Variants in CP observed in about 807,000 individuals in gnomAD.
CP encodes ceruloplasmin, also known as caeruloplasmin.
In CP, 64 loss-of-function variants were observed where a neutral mutation model predicts 122.4. The observed-to-expected ratio is 0.52, with a 90% CI of 0.43 to 0.64. The LOEUF is 0.64. Ranked by LOEUF, CP falls within the 30% of genes least tolerant of loss-of-function variation. CP has a pLI of 0.00. For missense variants in CP, 1,167 were observed against 1,284.4 expected, an observed-to-expected ratio of 0.91 and a Z score of 1.40; for synonymous variants, 440 against 436.4, an observed-to-expected ratio of 1.01 and a Z score of -0.10.
At chr3:149,163,214 A>G (rs1379946414) in intron 5 of CP, among the ~76,000 whole-genome samples, 1 of 152,232 alleles carries the variant, frequency 6.6e-6, no homozygotes, top group Non-Finnish European at 1.5e-5. Flanking sequence ...GGAACATAAG[A>G]GAGAAGACAT....
At chr3:149,164,915 C>G (rs1243516799) in intron 5 of CP, among the ~76,000 whole-genome samples, 1 of 152,132 alleles carries the variant, frequency 6.6e-6, no homozygotes, top group Non-Finnish European at 1.5e-5. Context: ...CTCATTTACA[C>G]TATGGGAACT....
At chr3:149,181,898 C>T in intron 14 of CP, 107 bp downstream of exon 14, 4 of 1,280,434 alleles carry the variant, frequency 3.1e-6, no homozygotes, top group South Asian at 2.4e-5. Context: ...TCACAACTAC[C>T]TCCCTTTTCA....
intron 1 of CP, among the ~76,000 whole-genome samples, chr3:149,218,955 C>T (rs897607129): frequency 9.9e-5 from 15 of 152,114 alleles, no homozygotes; most frequent in South Asian, 2.1e-4. Context: ...AGTCATCATA[C>T]GATAAGAAGT....
At chr3:149,163,331 G>C (rs1332787834) in intron 5 of CP, among the ~76,000 whole-genome samples, 1 of 152,124 alleles carries the variant, frequency 6.6e-6, no homozygotes, top group Non-Finnish European at 1.5e-5. Flanking sequence ...CTGTTCTGTG[G>C]CACTTGAGGC....
At chr3:149,186,876 C>T (rs1726216058) in intron 10 of CP, 144 bp from the exon 11 acceptor site, 2 of 736,544 alleles carry the variant, frequency 2.7e-6, no homozygotes, top group Non-Finnish European at 4.8e-6. Flanking sequence ...TCAGGAGTAT[C>T]CTTGCAACTC....
At chr3:149,163,747 T>C (rs1724121817) in intron 5 of CP, 1 of 730,524 alleles carries the variant, frequency 1.4e-6, no homozygotes, top group African/African-American at 1.8e-5. Context: ...TTCTATGACA[T>C]GGCAGAGAAT....
chr3:149,191,243 ATTTTT>A lies in CP; in HGVS notation c.1714-3046_1714-3042del, dbSNP rs60907154. Among the ~76,000 whole-genome samples, 561 of 107,040 alleles carry A rather than the reference ATTTTT, an allele frequency of 5.2e-3. 1 individual carries two copies. Among genetic ancestry groups the A allele is most frequent in the Non-Finnish European group, 7.2e-3 (376 of 52,160 alleles). The allele number at this position is 107,040 out of a possible 152,430, so 70.2% of individuals were successfully genotyped here. A position where few individuals can be genotyped will look rare whatever the true frequency, so the allele number is the denominator to read the frequency against. On this transcript the variant is annotated intron_variant, in intron 9 of 18. Coordinates refer to ENST00000264613, the MANE Select transcript of CP (RefSeq NM_000096.4). ...TTTCTGTTCACTATCTCATTACGCT[ATTTTT>A]TTTTTTTTTTTTTTTGCAGAACTGC...
At chr3:149,196,824 C>CCCAAG (rs1726923556) in intron 9 of CP, among the ~76,000 whole-genome samples, 1 of 152,318 alleles carries the variant, frequency 6.6e-6, no homozygotes, top group South Asian at 2.1e-4. Flanking sequence ...GGCCTCTGAG[C>CCCAAG]CCAAGCCAAG....
chr3:149,199,045 A>G (rs1339037655), intron 8 of CP, among the ~76,000 whole-genome samples: 1 of 152,202 alleles, frequency 6.6e-6, no homozygotes, highest in Non-Finnish European at 1.5e-5. Context: ...AATCTTTCAA[A>G]TTTACATTTG....
In CP at chr3:149,202,752, C is replaced by T. The variant is rs1199618537; in HGVS notation, c.1209-511G>A. 4.0e-5 allele frequency among the ~76,000 whole-genome samples: 6 copies of T among 150,814 alleles called. No homozygotes were observed. In the East Asian group the frequency reaches 9.7e-4, roughly 24 times the overall value. On this transcript the variant is annotated intron_variant, in intron 6 of 18. Transcript: ENST00000264613. The stretch of plus-strand genomic sequence containing the variant: ...CCTCCCGAGTAGCTGGGACTACAGG[C>T]GCCTGCCACCATGCCTGGCTAATTT...
intron 6 of CP, 74 bp from the exon 7 acceptor site, chr3:149,202,315 T>C (rs1277612323): frequency 4.4e-6 from 7 of 1,598,152 alleles, no homozygotes; most frequent in South Asian, 3.3e-5. Flanking sequence ...AAGGTGCTAA[T>C]TGAAGAGAAA....
intron 5 of CP, chr3:149,163,993 A>G (rs547880587): frequency 4.1e-6 from 4 of 977,216 alleles, no homozygotes; most frequent in Admixed American, 1.8e-5. Flanking sequence ...GCATATTACA[A>G]TATAGTGTAA....
chr3:149,214,992 C>T (rs567430331), intron 1 of CP, among the ~76,000 whole-genome samples: 1 of 152,300 alleles, frequency 6.6e-6, no homozygotes, highest in African/African-American at 2.4e-5. Context: ...ATCAATCTCA[C>T]AGAGACTTGT....
At chr3:149,217,977 T>C (rs1244664770) in intron 1 of CP, 1 of 328,336 alleles carries the variant, frequency 3.0e-6, no homozygotes, top group Non-Finnish European at 6.2e-6. Flanking sequence ...CCATTTGTTT[T>C]GGAAACCTCT....
downstream of CP, chr3:149,167,864 T>C: frequency 7.4e-7 from 1 of 1,359,532 alleles, no homozygotes; most frequent in Non-Finnish European, 1.1e-6. Context: ...TGCATCAAAC[T>C]AAAATTTATT....
At chr3:149,178,669 T>G in intron 15 of CP, 38 bp from the exon 16 acceptor site, 1 of 1,429,300 alleles carries the variant, frequency 7.0e-7, no homozygotes, top group Non-Finnish European at 9.8e-7. Context: ...CCTTGTGAAT[T>G]AGGTCAGGAT....
At chr3:149,220,887 G>A (rs1728764677) in intron 1 of CP, among the ~76,000 whole-genome samples, 1 of 152,114 alleles carries the variant, frequency 6.6e-6, no homozygotes, top group African/African-American at 2.4e-5. Context: ...CCTCAGTATA[G>A]ATAAACTTCT....
At chr3:149,162,629 C>A in exon 6 of CP, 1 of 1,532,728 alleles carries the variant, frequency 6.5e-7, no homozygotes, top group Non-Finnish European at 9.0e-7. Context: ...TTCAGCCCAG[C>A]TGTCGCTTTA....
rs77215476 is a variant in CP at position 149,165,880 on chromosome 3, A to G, written c.*13+66T>C. ...TTATCAACCTTATTTCATCTCTGCC[A>G]TCTGATTGTCAGGAAATTATTCACA... On this transcript the variant is annotated intron_variant, in intron 5 of 5. Transcript: ENST00000479771. 2.4e-3 allele frequency: 967 copies of G among 405,858 alleles called. 10 individuals are homozygous for G. The highest frequency in any genetic ancestry group is 0.018 in the African/African-American group (894 of 48,540). 25.1% of individuals were successfully genotyped at this position (405,858 alleles called of 1,614,324 possible).
Sources: gnomAD v4.1 joint callset for allele counts (sites outside exome capture counted in the v4.1 genomes callset) on GRCh38, gnomAD v4.1.1 for gene constraint, MANE v1.5 for transcripts, NCBI Gene and HGNC (gene_info 2026-07-23, HGNC 2026-07-21) for gene names.